Variants in AFG2A observed in about 807,000 individuals in gnomAD.
The protein encoded by AFG2A is ATPase family gene 2 protein homolog A.
At chr4:122,945,407 T>G in the AFG2A span, among the ~76,000 whole-genome samples, 1 of 152,322 alleles carries the variant, frequency 6.6e-6, no homozygotes, top group South Asian at 2.1e-4. Flanking sequence ...ACTGCTGTGC[T>G]AGCAATCAGC....
the AFG2A span, among the ~76,000 whole-genome samples, chr4:123,160,137 C>A: frequency 6.6e-6 from 1 of 151,856 alleles, no homozygotes; most frequent in Non-Finnish European, 1.5e-5. Flanking sequence ...GAGAAAAATC[C>A]AAGTTTTACA....
At chr4:123,074,842 CTTTCA>C in the AFG2A span, among the ~76,000 whole-genome samples, 1 of 152,120 alleles carries the variant, frequency 6.6e-6, no homozygotes, top group African/African-American at 2.4e-5. Context: ...AAAATTTCTT[CTTTCA>C]TTTATAGAAT....
the AFG2A span, among the ~76,000 whole-genome samples, chr4:123,258,799 A>G: frequency 6.7e-6 from 1 of 148,766 alleles, no homozygotes; most frequent in African/African-American, 2.5e-5. Flanking sequence ...TGTAGTGAGC[A>G]TTTTTTATTT....
the AFG2A span, among the ~76,000 whole-genome samples, chr4:123,055,993 T>G: frequency 6.6e-6 from 1 of 152,206 alleles, no homozygotes; most frequent in Non-Finnish European, 1.5e-5. Flanking sequence ...AATATTAATG[T>G]CAAAAAATGT....
chr4:123,187,001 G>A, the AFG2A span, among the ~76,000 whole-genome samples: 1 of 151,974 alleles, frequency 6.6e-6, no homozygotes, highest in African/African-American at 2.4e-5. Context: ...TGCTTTATGA[G>A]GAAAGAAAAG....
chr4:123,048,977 C>T, the AFG2A span, among the ~76,000 whole-genome samples: 4 of 152,102 alleles, frequency 2.6e-5, no homozygotes, highest in African/African-American at 4.8e-5. Context: ...TTTCCCTGTT[C>T]CATATGATAG....
the AFG2A span, among the ~76,000 whole-genome samples, chr4:122,973,816 TA>T: frequency 1.3e-5 from 2 of 152,192 alleles, no homozygotes; most frequent in East Asian, 3.9e-4. Context: ...TAGCTAGGAC[TA>T]TAGGCACATG....
the AFG2A span, among the ~76,000 whole-genome samples, chr4:123,250,955 C>G: frequency 6.6e-6 from 1 of 152,262 alleles, no homozygotes; most frequent in East Asian, 1.9e-4. Flanking sequence ...AAGGAAGGCT[C>G]TTTCCTACTA....
At chr4:123,193,303 CAGAA>C in the AFG2A span, among the ~76,000 whole-genome samples, 1 of 152,194 alleles carries the variant, frequency 6.6e-6, no homozygotes, top group Non-Finnish European at 1.5e-5. Context: ...TGAGTACACT[CAGAA>C]AGTTTCTAAG....
At chr4:122,978,926 G>C in the AFG2A span, among the ~76,000 whole-genome samples, 1 of 152,232 alleles carries the variant, frequency 6.6e-6, no homozygotes, top group South Asian at 2.1e-4. Flanking sequence ...TTCGGAGCCT[G>C]TTGGGGCAGG....
the AFG2A span, among the ~76,000 whole-genome samples, chr4:122,933,176 GA>G: frequency 2.0e-5 from 3 of 152,164 alleles, no homozygotes; most frequent in Non-Finnish European, 4.4e-5. Context: ...GAGGCTGACT[GA>G]AATGATTTCA....
the AFG2A span, among the ~76,000 whole-genome samples, chr4:123,118,101 T>G: frequency 6.6e-6 from 1 of 150,966 alleles, no homozygotes; most frequent in African/African-American, 2.4e-5. Context: ...TAAGATGGTA[T>G]TTTGAATTGG....
At chr4:123,128,730 G>A in the AFG2A span, among the ~76,000 whole-genome samples, 1 of 151,880 alleles carries the variant, frequency 6.6e-6, no homozygotes, top group Admixed American at 6.6e-5. Flanking sequence ...AAATGATTAT[G>A]GTTAAACCCT....
At chr4:123,007,214 T>C in the AFG2A span, among the ~76,000 whole-genome samples, 1 of 152,148 alleles carries the variant, frequency 6.6e-6, no homozygotes, top group Non-Finnish European at 1.5e-5. Context: ...GTGTTTTGAA[T>C]AGGGTTGATT....
chr4:123,236,547 A>C, the AFG2A span, among the ~76,000 whole-genome samples: 1 of 152,238 alleles, frequency 6.6e-6, no homozygotes, highest in Admixed American at 6.5e-5. Context: ...ATTGTCTTAC[A>C]TTCTGCCACA....
chr4:123,102,316 A>G, the AFG2A span: 2 of 151,432 alleles, frequency 1.3e-5, no homozygotes, highest in African/African-American at 4.8e-5. Flanking sequence ...AAAAAAAGAA[A>G]AAGCAATCAA....
the AFG2A span, among the ~76,000 whole-genome samples, chr4:123,124,484 G>T: frequency 6.6e-6 from 1 of 152,154 alleles, no homozygotes; most frequent in Non-Finnish European, 1.5e-5. Context: ...ACCAGGGCCT[G>T]TTGTGGGGTG....
the AFG2A span, among the ~76,000 whole-genome samples, chr4:123,002,061 G>A: frequency 6.6e-6 from 1 of 151,912 alleles, no homozygotes; most frequent in Non-Finnish European, 1.5e-5. Flanking sequence ...TTATGTAATG[G>A]CCTTCTTTGT....
the AFG2A span, among the ~76,000 whole-genome samples, chr4:123,043,478 T>C: frequency 1.3e-5 from 2 of 152,102 alleles, no homozygotes; most frequent in African/African-American, 4.8e-5. Context: ...AAAAAGTTCA[T>C]GGAAAAATGG....
Sources: gnomAD v4.1 joint callset for allele counts (sites outside exome capture counted in the v4.1 genomes callset) on GRCh38, gnomAD v4.1.1 for gene constraint, MANE v1.5 for transcripts, NCBI Gene and HGNC (gene_info 2026-07-23, HGNC 2026-07-21) for gene names.